Variants in HEATR4 observed in about 807,000 individuals in gnomAD.
The protein encoded by HEATR4 is HEAT repeat containing 4, also known as HEAT repeat-containing protein 4.
HEATR4 carries 95 observed loss-of-function variants against 108.8 expected under a neutral mutation model. The ratio of observed to expected loss-of-function variants is 0.87; its 90% CI spans 0.74 to 1.04. The LOEUF is 1.04. HEATR4 is among the 50% of genes least tolerant of loss of function. The pLI is 0.00. For missense variants in HEATR4, 1,152 were observed against 1,253.8 expected, an observed-to-expected ratio of 0.92 and a Z score of 1.23; for synonymous variants, 443 against 459.4, an observed-to-expected ratio of 0.96 and a Z score of 0.46.
intron 1 of HEATR4, among the ~76,000 whole-genome samples, chr14:73,547,917 A>T (rs1889259738): frequency 8.8e-6 from 1 of 114,272 alleles, no homozygotes; most frequent in African/African-American, 2.8e-5. Flanking sequence ...GTGTACAAAG[A>T]GATGGTTGTG....
the HEATR4 span, among the ~76,000 whole-genome samples, chr14:73,603,231 T>C: frequency 6.6e-6 from 1 of 152,262 alleles, no homozygotes; most frequent in Admixed American, 6.5e-5. Context: ...TGAACTATTT[T>C]CAAAAGCCAA....
the HEATR4 span, chr14:73,591,993 C>A: frequency 7.0e-7 from 1 of 1,418,882 alleles, no homozygotes; most frequent in Non-Finnish European, 9.2e-7. Flanking sequence ...GCCCCCAGGC[C>A]GCTGCTGCTG....
chr14:73,541,352 G>T lies in HEATR4; in HGVS notation c.-151-11108C>A. 5 of 741,708 alleles carry T rather than the reference G, an allele frequency of 6.7e-6. 1 individual carries two copies. Among genetic ancestry groups the T allele is most frequent in the African/African-American group, 1.9e-5 (1 of 52,044 alleles). 45.9% of individuals were successfully genotyped at this position (741,708 alleles called of 1,614,324 possible). A position where few individuals can be genotyped will look rare whatever the true frequency, so the allele number is the denominator to read the frequency against. ...GCCAGAAGTTTCTGGACGAACACAG[G>T]TTTTCATTTCTCGTGGGTAGATACC... On this transcript the variant is annotated intron_variant, in intron 1 of 17. Coordinates refer to ENST00000553558, the MANE Select transcript of HEATR4 (RefSeq NM_001220484.1).
chr14:73,602,402 G>A, the HEATR4 span, among the ~76,000 whole-genome samples: 12 of 152,124 alleles, frequency 7.9e-5, no homozygotes, highest in Non-Finnish European at 1.6e-4. Context: ...TCCTGGTGCC[G>A]AGCTCCTTGA....
Position 73,506,539 on chromosome 14 carries a change from C to T in HEATR4, c.1914G>A (p.Leu638=), listed in dbSNP as rs1177789350. 1 of 1,613,704 alleles carries T rather than the reference C, an allele frequency of 6.2e-7. No homozygotes were observed. Among genetic ancestry groups the T allele is most frequent in the South Asian group, 1.1e-5 (1 of 91,082 alleles). Residue 638 remains leucine, a synonymous_variant, in exon 10 of 18, where the codon CTG becomes CTA. Transcript: ENST00000553558. ...TLIHTMLAVE[L]NSCQWKNRIV... ...TCCGGTTCTTCCATTGACAGCTGTT[C>T]AGCTCCACAGCAAGCATGGTGTGTA...
chr14:73,595,595 C>T, the HEATR4 span: 2 of 1,567,956 alleles, frequency 1.3e-6, no homozygotes, highest in South Asian at 1.2e-5. Context: ...GAAGCAAATT[C>T]TAGCCTTCTT....
chr14:73,618,637 G>A, the HEATR4 span, among the ~76,000 whole-genome samples: 3 of 151,986 alleles, frequency 2.0e-5, no homozygotes, highest in Admixed American at 2.0e-4. Flanking sequence ...ATAATATACT[G>A]TATTTAACAG....
At position 73,508,242 on chromosome 14, in the gene HEATR4, A is replaced by G; in HGVS notation, c.1773T>C (p.Thr591=). 6.2e-7 allele frequency: 1 copy of G among 1,614,024 alleles called. No homozygotes were observed. Among genetic ancestry groups the G allele is most frequent in the Non-Finnish European group, 8.5e-7 (1 of 1,179,928 alleles). ...TCCTCTTAATCACAGGGTAAGTAGC[A>G]GTACCTTCCAGAGCCAAGCACTGAG... ...AAAQCLALEG[T]ATYPVIKRIL... is the part of the protein sequence containing the mutation. The change falls in exon 9 of 18, where the codon ACT becomes ACC. Residue 591 remains threonine (T), a synonymous_variant. Coordinates refer to ENST00000553558, the MANE Select transcript of HEATR4 (RefSeq NM_001220484.1).
At chr14:73,563,475 G>T (rs1325881414), upstream of HEATR4, among the ~76,000 whole-genome samples, 1 of 151,830 alleles carries the variant, frequency 6.6e-6, no homozygotes, top group East Asian at 1.9e-4. Context: ...CGTGCCTGTA[G>T]TCCCAGCTAC....
chr14:73,622,861 T>C, the HEATR4 span, among the ~76,000 whole-genome samples: 6,627 of 152,238 alleles, frequency 0.044, 180 homozygotes, highest in Middle Eastern at 0.075. Flanking sequence ...TGCCCTTGCC[T>C]GGATTGACCA....
At chr14:73,630,167 A>G in the HEATR4 span, among the ~76,000 whole-genome samples, 1 of 152,168 alleles carries the variant, frequency 6.6e-6, no homozygotes, top group Non-Finnish European at 1.5e-5. Context: ...CAGATAAGCT[A>G]CCAGTCTGCC....
chr14:73,514,007 A>G (rs927927057), intron 6 of HEATR4, 24 bp downstream of exon 6: 2 of 1,610,614 alleles, frequency 1.2e-6, no homozygotes, highest in African/African-American at 1.3e-5. Context: ...AACGTACAGT[A>G]TCACAGGACC....
intron 7 of HEATR4, among the ~76,000 whole-genome samples, chr14:73,510,050 A>G (rs573512191): frequency 6.7e-6 from 1 of 149,716 alleles, no homozygotes; most frequent in East Asian, 2.0e-4. Flanking sequence ...CTTAGTAGAG[A>G]TGGGATTTCA....
chr14:73,626,789 C>CTTTT, the HEATR4 span, among the ~76,000 whole-genome samples: 23 of 82,344 alleles, frequency 2.8e-4, 3 homozygotes, highest in African/African-American at 7.4e-4. Flanking sequence ...GACAAACAGC[C>CTTTT]TTTTTTTTTT....
At chr14:73,619,694 T>C in the HEATR4 span, 1 of 1,614,186 alleles carries the variant, frequency 6.2e-7, no homozygotes, top group Non-Finnish European at 8.5e-7. Context: ...AGAGCTTCTG[T>C]GCACGCTGTT....
At chr14:73,585,812 G>T in the HEATR4 span, among the ~76,000 whole-genome samples, 7 of 138,230 alleles carry the variant, frequency 5.1e-5, no homozygotes, top group African/African-American at 1.8e-4. Context: ...CCACTGTTTT[G>T]TCTTTTTCTT....
intron 11 of HEATR4, among the ~76,000 whole-genome samples, chr14:73,501,273 C>A (rs1886440036): frequency 6.6e-6 from 1 of 152,046 alleles, no homozygotes; most frequent in Non-Finnish European, 1.5e-5. Flanking sequence ...CGCCCACCAC[C>A]ACGCCTGGCT....
the HEATR4 span, chr14:73,593,693 G>C: frequency 6.3e-7 from 1 of 1,590,684 alleles, no homozygotes. Flanking sequence ...ATAATATTTT[G>C]TTCTCTAGGA....
intron 1 of HEATR4, chr14:73,543,751 T>C: frequency 1.3e-6 from 1 of 747,906 alleles, no homozygotes; most frequent in Non-Finnish European, 1.8e-6. Context: ...TTCTCATAAC[T>C]TCTTAAAGTT....
Sources: gnomAD v4.1 joint callset for allele counts (sites outside exome capture counted in the v4.1 genomes callset) on GRCh38, gnomAD v4.1.1 for gene constraint, MANE v1.5 for transcripts, NCBI Gene and HGNC (gene_info 2026-07-23, HGNC 2026-07-21) for gene names.